Variants in LRRTM4 observed in about 807,000 individuals in gnomAD.
LRRTM4 encodes leucine rich repeat transmembrane neuronal 4.
In LRRTM4, 25 loss-of-function variants were observed where a neutral mutation model predicts 47.6. That is an observed-to-expected ratio of 0.53 (90% CI 0.38 to 0.73). The LOEUF is 0.73. Ranked by LOEUF, LRRTM4 falls within the 30% of genes least tolerant of loss-of-function variation. The probability of loss-of-function intolerance (pLI) is 0.00; values close to 1 mark genes in which losing one functional copy is unlikely to be tolerated. For missense variants in LRRTM4, 638 were observed against 713.4 expected (o/e 0.89, Z 1.20); for synonymous variants, 311 against 269.5 (o/e 1.15, Z -1.51).
intron 3 of LRRTM4, among the ~76,000 whole-genome samples, chr2:77,346,550 T>G (rs989366998): frequency 1.3e-5 from 2 of 152,170 alleles, no homozygotes; most frequent in Admixed American, 1.3e-4. Flanking sequence ...TATATTCATA[T>G]AACTGTCAGC....
At chr2:76,938,173 T>C (rs1675021316) in intron 3 of LRRTM4, among the ~76,000 whole-genome samples, 1 of 152,138 alleles carries the variant, frequency 6.6e-6, no homozygotes, top group Non-Finnish European at 1.5e-5. Context: ...CTTTTATTTT[T>C]CTCCTTACAT....
rs548365800 is a variant in LRRTM4, at chr2:77,463,032, T to C, written c.1551+55286A>G. ...TTTAGTAAATATAGTATGCCTTGATTATCAGTGGAAATACATTCTGAGAAA... is the reference window on the plus strand; with the variant it reads ...TTTAGTAAATATAGTATGCCTTGATCATCAGTGGAAATACATTCTGAGAAA... On this transcript the variant is annotated intron_variant, in intron 3 of 3. Transcript: ENST00000409884. 7.2e-5 allele frequency among the ~76,000 whole-genome samples: 11 copies of C among 152,200 alleles called. No individual in the cohort carries two copies. In the East Asian group the frequency reaches 1.4e-3, roughly 19 times the overall value.
At chr2:77,364,577 T>C (rs937305382) in intron 3 of LRRTM4, among the ~76,000 whole-genome samples, 13 of 152,082 alleles carry the variant, frequency 8.5e-5, no homozygotes, top group African/African-American at 3.1e-4. Flanking sequence ...GCATCCTCTA[T>C]AATTCCCATA....
At chr2:77,080,283 C>A (rs1027894371) in intron 3 of LRRTM4, among the ~76,000 whole-genome samples, 9 of 152,068 alleles carry the variant, frequency 5.9e-5, no homozygotes, top group Non-Finnish European at 1.0e-4. Flanking sequence ...CTTTTTTTGA[C>A]CTTTATTCTT....
chr2:77,287,092 A>ATCT (rs1339244762), intron 3 of LRRTM4, among the ~76,000 whole-genome samples: 13 of 152,090 alleles, frequency 8.5e-5, no homozygotes, highest in African/African-American at 3.1e-4. Flanking sequence ...TGCCAAAAGA[A>ATCT]GGACCTCTGT....
At position 76,968,353 on chromosome 2, in the gene LRRTM4, T is replaced by G. The variant is rs968728715; in HGVS notation, c.1552-219437A>C. ...GTGTGTATGTGTGTATATATATATATATATATATATATATATATATATATA... is the reference window on the plus strand; with the variant it reads ...GTGTGTATGTGTGTATATATATATAGATATATATATATATATATATATATA... On this transcript the variant is annotated intron_variant, in intron 3 of 3. Transcript: ENST00000409884. 3.2e-4 allele frequency among the ~76,000 whole-genome samples: 35 copies of G among 107,954 alleles called. 2 individuals carry two copies. Among genetic ancestry groups the G allele is most frequent in the African/African-American group, 1.3e-3 (34 of 25,642 alleles). 70.8% of individuals were successfully genotyped at this position (107,954 alleles called of 152,430 possible). A position where few individuals can be genotyped will look rare whatever the true frequency, so the allele number is the denominator to read the frequency against.
chr2:76,969,575 T>C (rs1412316040), intron 3 of LRRTM4, among the ~76,000 whole-genome samples: 1 of 151,892 alleles, frequency 6.6e-6, no homozygotes, highest in Non-Finnish European at 1.5e-5. Context: ...GTTGCATCAA[T>C]CTAATGCATG....
At chr2:77,162,256 G>T (rs1025092822) in intron 3 of LRRTM4, among the ~76,000 whole-genome samples, 4 of 152,192 alleles carry the variant, frequency 2.6e-5, no homozygotes, top group Admixed American at 6.5e-5. Flanking sequence ...ACTGCAAGGT[G>T]GCAGCAAGGC....
chr2:77,097,897 A>G (rs542936409), intron 3 of LRRTM4, among the ~76,000 whole-genome samples: 4 of 152,132 alleles, frequency 2.6e-5, no homozygotes, highest in South Asian at 2.1e-4. Context: ...TTGTTTAAAT[A>G]GATTATTAAA....
At chr2:76,962,666 C>T (rs1675900228) in intron 3 of LRRTM4, among the ~76,000 whole-genome samples, 1 of 149,378 alleles carries the variant, frequency 6.7e-6, no homozygotes, top group Admixed American at 6.7e-5. Flanking sequence ...AATATAATTG[C>T]AAATTTTGGT....
chr2:77,294,983 A>T (rs1438457841), intron 3 of LRRTM4, among the ~76,000 whole-genome samples: 1 of 152,138 alleles, frequency 6.6e-6, no homozygotes. Context: ...TGCAAATCAC[A>T]TTTATGTAAC....
In LRRTM4 at chr2:77,305,745, GTTATAC is replaced by G. The variant is rs202125958; in HGVS notation, c.1551+212567_1551+212572del. Among the ~76,000 whole-genome samples the G allele has an allele frequency of 3.2e-3, 494 of 152,180 alleles. 1 individual carries two copies. Among genetic ancestry groups the G allele is most frequent in the African/African-American group, 0.011 (473 of 41,558 alleles). The stretch of plus-strand genomic sequence containing the variant: ...CAAATTTAAAGTAAAAAAGGTGGAT[GTTATAC>G]TTTCTGAGAAATGTGCAAAGTATTA... On this transcript the variant is annotated intron_variant, in intron 3 of 3. Coordinates refer to ENST00000409884, the MANE Select transcript of LRRTM4 (RefSeq NM_001134745.3).
At chr2:77,042,416 GTTA>G (rs1023700740) in intron 3 of LRRTM4, among the ~76,000 whole-genome samples, 42 of 151,464 alleles carry the variant, frequency 2.8e-4, no homozygotes, top group African/African-American at 9.9e-4. Flanking sequence ...AACATAAAAA[GTTA>G]TTTTTTAAAA....
At chr2:77,513,253 G>T (rs1426701458) in intron 3 of LRRTM4, among the ~76,000 whole-genome samples, 2 of 152,132 alleles carry the variant, frequency 1.3e-5, no homozygotes, top group African/African-American at 2.4e-5. Context: ...AACTGAAGAA[G>T]TTCTTTCTTT....
chr2:77,097,269 ACC>A (rs576357720), intron 3 of LRRTM4, among the ~76,000 whole-genome samples: 69 of 152,040 alleles, frequency 4.5e-4, no homozygotes, highest in Non-Finnish European at 8.1e-4. Flanking sequence ...AAAGCTACTG[ACC>A]CATCCCCCAT....
At chr2:77,479,580 G>A (rs1490950256) in intron 3 of LRRTM4, among the ~76,000 whole-genome samples, 4 of 152,132 alleles carry the variant, frequency 2.6e-5, no homozygotes, top group African/African-American at 9.7e-5. Context: ...TGTGACCCAC[G>A]GGAGGTACAC....
At chr2:76,885,187 C>A (rs1252781157) in intron 3 of LRRTM4, among the ~76,000 whole-genome samples, 2 of 151,912 alleles carry the variant, frequency 1.3e-5, no homozygotes, top group African/African-American at 4.8e-5. Flanking sequence ...AACTTCCAAA[C>A]TTACTCTAAT....
chr2:77,359,757 G>A (rs1020388596), intron 3 of LRRTM4, among the ~76,000 whole-genome samples: 2 of 152,142 alleles, frequency 1.3e-5, no homozygotes, highest in Admixed American at 6.5e-5. Context: ...ACTAATAGAT[G>A]TGGACAGTCA....
intron 3 of LRRTM4, among the ~76,000 whole-genome samples, chr2:76,862,432 A>G (rs1036490983): frequency 3.9e-5 from 6 of 152,180 alleles, no homozygotes; most frequent in Non-Finnish European, 5.9e-5. Flanking sequence ...AGAGAGGTGC[A>G]TGGAAAGAGT....
Sources: gnomAD v4.1 joint callset for allele counts (sites outside exome capture counted in the v4.1 genomes callset) on GRCh38, gnomAD v4.1.1 for gene constraint, MANE v1.5 for transcripts, NCBI Gene and HGNC (gene_info 2026-07-23, HGNC 2026-07-21) for gene names.